The following VPS13B variants were observed in gnomAD, a reference collection of about 807,000 sequenced individuals.
The protein encoded by VPS13B is vacuolar protein sorting 13 homolog B, also known as intermembrane lipid transfer protein VPS13B.
In VPS13B, 285 loss-of-function variants were observed where a neutral mutation model predicts 426.4. The ratio of observed to expected loss-of-function variants is 0.67; its 90% confidence interval spans 0.61 to 0.74. VPS13B has a LOEUF of 0.74. VPS13B is among the 30% of genes least tolerant of loss of function. The pLI is 0.00. For synonymous variants in VPS13B, 1,676 were observed against 1,676.4 expected (o/e 1.00, Z 0.01); for missense variants, 4,537 against 4,782.6 (o/e 0.95, Z 1.51).
At chr8:99,788,984 C>G (rs1425628737) in intron 43 of VPS13B, among the ~76,000 whole-genome samples, 1 of 152,164 alleles carries the variant, frequency 6.6e-6, no homozygotes, top group Non-Finnish European at 1.5e-5. Flanking sequence ...TAGTTAAAAT[C>G]TAACTTCTAT....
At chr8:99,075,257 G>C (rs1458513471) in intron 3 of VPS13B, among the ~76,000 whole-genome samples, 1 of 152,144 alleles carries the variant, frequency 6.6e-6, no homozygotes, top group Non-Finnish European at 1.5e-5. Context: ...AGTTCTGCAG[G>C]CTGTATAGTC....
chr8:99,791,825 T>C (rs1812551889), intron 43 of VPS13B, among the ~76,000 whole-genome samples: 1 of 151,866 alleles, frequency 6.6e-6, no homozygotes, highest in Non-Finnish European at 1.5e-5. Flanking sequence ...GCAGGATGAC[T>C]TTCCCATTTT....
At position 99,501,853 on chromosome 8, in the gene VPS13B, G is replaced by A; in HGVS notation, c.4037G>A (p.Gly1346Asp). 1 of 1,613,216 alleles carries A rather than the reference G, an allele frequency of 6.2e-7. No homozygotes were observed. Among genetic ancestry groups the A allele is most frequent in the Non-Finnish European group, 8.5e-7 (1 of 1,179,768 alleles). The change falls in exon 26 of 62, where the codon GGC becomes GAC. Residue 1346 changes from glycine to aspartate, a missense_variant. By Grantham distance (94) the Gly-to-Asp change is moderately conservative. Coordinates refer to ENST00000357162, the MANE Select transcript of VPS13B (RefSeq NM_152564.5). ...KLFAPDPENKGTEVCMVSELE... is the reference protein window; with the variant it reads ...KLFAPDPENKDTEVCMVSELE... ...TTTGCTCCAGATCCTGAAAATAAAG[G>A]CACAGGTACAGGATTCCTTTTCTTT...
chr8:99,204,406 C>T (rs1040025043), intron 17 of VPS13B, among the ~76,000 whole-genome samples: 2 of 152,094 alleles, frequency 1.3e-5, no homozygotes, highest in African/African-American at 2.4e-5. Flanking sequence ...CACAAAAACC[C>T]TAGAAGAAAA....
At chr8:99,054,253 C>T (rs1258776903) in intron 3 of VPS13B, among the ~76,000 whole-genome samples, 2 of 152,194 alleles carry the variant, frequency 1.3e-5, no homozygotes, top group South Asian at 2.1e-4. Context: ...AATTTCCATA[C>T]TGTTTTCTAC....
chr8:99,636,490 A>G (rs1468539054), intron 33 of VPS13B, among the ~76,000 whole-genome samples: 3 of 151,972 alleles, frequency 2.0e-5, no homozygotes, highest in Non-Finnish European at 2.9e-5. Flanking sequence ...ATACAGTTCC[A>G]TTTAACATAA....
intron 31 of VPS13B, among the ~76,000 whole-genome samples, chr8:99,571,666 A>G (rs148086521): frequency 2.3e-4 from 35 of 152,196 alleles, no homozygotes; most frequent in Admixed American, 5.2e-4. Flanking sequence ...AATACATCAT[A>G]TATTTTAGCA....
chr8:99,234,143 G>A, intron 17 of VPS13B: 2 of 784,558 alleles, frequency 2.5e-6, no homozygotes, highest in South Asian at 2.7e-5. Context: ...TCGCTGAGGG[G>A]GTAAAGGGGG....
rs375229257 is a variant in VPS13B at position 99,868,317 on chromosome 8, G to C, written c.11244G>C (p.Pro3748=). The C allele has an allele frequency of 2.5e-5, 40 of 1,613,976 alleles. No homozygotes were observed. In the South Asian group the frequency reaches 3.4e-4, roughly 14 times the overall value. The change falls in exon 59 of 62, where the codon CCG becomes CCC. Residue 3748 remains proline (P), a synonymous_variant. Transcript: ENST00000357162. ...CAATTGCTGGTATAGTTGATCAGCC[G>C]ATGCAGAACTTCCAGAAAACATCTG... The part of the protein sequence containing the change: ...LGAIAGIVDQ[P]MQNFQKTSEA...
rs190682812 is a variant in VPS13B, at chr8:99,383,387, G to A, written c.2825-821G>A. 6.3e-3 allele frequency among the ~76,000 whole-genome samples: 964 copies of A among 152,186 alleles called. 8 individuals are homozygous for A. Among genetic ancestry groups the A allele is most frequent in the African/African-American group, 0.022 (904 of 41,520 alleles). ...GTTATTTAGGAATATTTTACCTAAA[G>A]TATTCCATTTTCAGGGCCAATATAA... On this transcript the variant is annotated intron_variant, in intron 19 of 61. Transcript: ENST00000357162.
chr8:99,118,677 A>G (rs1007403844), intron 7 of VPS13B, among the ~76,000 whole-genome samples: 1 of 152,162 alleles, frequency 6.6e-6, no homozygotes, highest in Non-Finnish European at 1.5e-5. Context: ...CATTAAGCAT[A>G]GTGTGTTTGG....
intron 25 of VPS13B, among the ~76,000 whole-genome samples, chr8:99,489,984 T>G (rs1047819070): frequency 5.3e-5 from 8 of 152,186 alleles, no homozygotes; most frequent in Non-Finnish European, 5.9e-5. Context: ...CTTGTGCCAG[T>G]TTTCAAAGGG....
chr8:99,714,745 A>T (rs1197589491), intron 36 of VPS13B, among the ~76,000 whole-genome samples: 1 of 152,206 alleles, frequency 6.6e-6, no homozygotes, highest in Non-Finnish European at 1.5e-5. Flanking sequence ...CCCAACAGAC[A>T]GACACGTTGC....
intron 8 of VPS13B, among the ~76,000 whole-genome samples, chr8:99,125,131 G>T (rs894305181): frequency 1.3e-5 from 2 of 152,154 alleles, no homozygotes; most frequent in African/African-American, 4.8e-5. Flanking sequence ...GCAAGTTGAG[G>T]AGCAAGTAAG....
At chr8:99,688,552 G>A (rs914309152) in intron 35 of VPS13B, among the ~76,000 whole-genome samples, 11 of 152,014 alleles carry the variant, frequency 7.2e-5, no homozygotes, top group Non-Finnish European at 1.6e-4. Context: ...AACTAAGACA[G>A]GGAATACAGC....
rs762563519 is a variant in VPS13B, at chr8:99,577,618, A to G, written c.5205A>G (p.Ser1735=). 6.2e-7 allele frequency: 1 copy of G among 1,613,718 alleles called. No individual in the cohort carries two copies. Among genetic ancestry groups the G allele is most frequent in the East Asian group, 2.2e-5 (1 of 44,860 alleles). Reference sequence around the variant, plus strand: ...CAAATATGACTGGACTGGAACCATCAAACAAGGCTGCAGAGGTAACTGTTA... The same window carrying G: ...CAAATATGACTGGACTGGAACCATCGAACAAGGCTGCAGAGGTAACTGTTA... The part of the protein sequence containing the change: ...IVANMTGLEP[S]NKAAEISKQE... Residue 1735 remains serine (S), a synonymous_variant, in exon 33 of 62, where the codon TCA becomes TCG. Transcript: ENST00000357162.
At chr8:99,179,305 C>G (rs1309625082) in intron 16 of VPS13B, among the ~76,000 whole-genome samples, 1 of 152,116 alleles carries the variant, frequency 6.6e-6, no homozygotes, top group African/African-American at 2.4e-5. Context: ...TTTGGAAGAT[C>G]TAATTATGAC....
intron 6 of VPS13B, among the ~76,000 whole-genome samples, chr8:99,111,788 A>G (rs1173616398): frequency 6.6e-6 from 1 of 152,098 alleles, no homozygotes; most frequent in Admixed American, 6.6e-5. Flanking sequence ...GGAGTTATTC[A>G]GGACATGTCT....
At chr8:99,569,767 AT>A (rs1408191283) in intron 31 of VPS13B, among the ~76,000 whole-genome samples, 2 of 152,146 alleles carry the variant, frequency 1.3e-5, no homozygotes, top group Admixed American at 6.5e-5. Context: ...CTTAGTAACA[AT>A]TTCAGAGAAC....
Sources: gnomAD v4.1 joint callset for allele counts (sites outside exome capture counted in the v4.1 genomes callset) on GRCh38, gnomAD v4.1.1 for gene constraint, MANE v1.5 for transcripts, NCBI Gene and HGNC (gene_info 2026-07-23, HGNC 2026-07-21) for gene names.